PCLO: variants seen among roughly 807,000 people sequenced by gnomAD.
PCLO encodes protein piccolo.
PCLO carries 82 observed loss-of-function variants against 427.5 expected under a neutral mutation model. That is an observed-to-expected ratio of 0.19 (90% CI 0.16 to 0.23). The LOEUF is 0.23. Ranked by LOEUF, PCLO falls within the 10% of genes least tolerant of loss-of-function variation. The probability of loss-of-function intolerance (pLI) is 1.00; values close to 1 mark genes in which losing one functional copy is unlikely to be tolerated. For missense variants in PCLO, 6,239 were observed against 6,115.9 expected (o/e 1.02, Z -0.67); for synonymous variants, 2,357 against 2,155.4 (o/e 1.09, Z -2.59).
At chr7:82,759,372 T>C (rs1790384386) in intron 24 of PCLO, among the ~76,000 whole-genome samples, 1 of 151,966 alleles carries the variant, frequency 6.6e-6, no homozygotes, top group Non-Finnish European at 1.5e-5. Context: ...TTTACCCTTA[T>C]TCCTGGCGAA....
intron 21 of PCLO, among the ~76,000 whole-genome samples, chr7:82,802,273 T>G (rs1036843172): frequency 1.4e-5 from 2 of 148,088 alleles, no homozygotes; most frequent in Non-Finnish European, 3.0e-5. Context: ...AAAAAACACA[T>G]GAAAAATGCG....
At position 83,162,842 on chromosome 7, in the gene PCLO, C is replaced by G; in HGVS notation, c.-250G>C. On this transcript the variant is annotated 5_prime_UTR_variant, in exon 1 of 25. Coordinates refer to ENST00000333891, the MANE Select transcript of PCLO (RefSeq NM_033026.6). ...AGGCAACCTTTGCAGAAGACACCTC[C>G]CGGACGCCGCCTCGGCGCCCCGAGC... 1 of 529,232 alleles carries G rather than the reference C, an allele frequency of 1.9e-6. No homozygotes were observed. 32.8% of individuals were successfully genotyped at this position (529,232 alleles called of 1,614,324 possible).
rs778640049 is a variant in PCLO at position 83,135,040 on chromosome 7, C to A, written c.2510G>T (p.Ser837Ile). Residue 837 changes from serine (S) to isoleucine (I), a missense_variant, in exon 3 of 25, where the codon AGT (serine) becomes ATT (isoleucine). Coordinates refer to ENST00000333891, the MANE Select transcript of PCLO (RefSeq NM_033026.6). ...TTGTTTTTGACCTTTGCTCTCTGAA[C>A]TGGGACCAGGATGTGAAATAATTTT... Reference protein sequence around the residue: ...DSKIISHPGPSSESKGQKQVD... With the variant: ...DSKIISHPGPISESKGQKQVD... 1 of 1,613,934 alleles carries A rather than the reference C, an allele frequency of 6.2e-7. No individual in the cohort carries two copies. Among genetic ancestry groups the A allele is most frequent in the South Asian group, 1.1e-5 (1 of 91,080 alleles).
At position 82,916,495 on chromosome 7, in the gene PCLO, G is replaced by C. The variant is rs1407625066; in HGVS notation, c.11491C>G (p.Arg3831Gly). Reference protein sequence around the residue: ...RAYLQGVAEDRDYMSDSEVSS... With the variant: ...RAYLQGVAEDGDYMSDSEVSS... ...ACTTCACTGTCAGACATGTAATCACGATCCTCAGCTACTCCCTGGAGGTAG... is the reference window on the plus strand; with the variant it reads ...ACTTCACTGTCAGACATGTAATCACCATCCTCAGCTACTCCCTGGAGGTAG... The change falls in exon 7 of 25, where the codon CGT (arginine) becomes GGT (glycine). Residue 3831 changes from arginine (R) to glycine (G), a missense_variant. This residue lies in a region of PCLO where 680 missense variants were observed against 677.3 expected (regional missense o/e 1.00). Transcript: ENST00000333891. The C allele has an allele frequency of 6.2e-7, 1 of 1,613,564 alleles. No individual in the cohort carries two copies. The highest frequency in any genetic ancestry group is 1.3e-5 in the African/African-American group (1 of 74,900).
At chr7:82,870,854 C>T (rs1793217294) in intron 10 of PCLO, among the ~76,000 whole-genome samples, 1 of 152,006 alleles carries the variant, frequency 6.6e-6, no homozygotes, top group South Asian at 2.1e-4. Flanking sequence ...CTCAATATCA[C>T]TAGTCATCAG....
At chr7:83,138,487 A>C in intron 2 of PCLO, among the ~76,000 whole-genome samples, 1 of 151,948 alleles carries the variant, frequency 6.6e-6, no homozygotes, top group East Asian at 1.9e-4. Context: ...ATGGTGAAAC[A>C]TTGTCTCTAT....
At chr7:82,805,938 A>G in intron 20 of PCLO, 109 bp from the exon 21 acceptor site, 1 of 1,049,200 alleles carries the variant, frequency 9.5e-7, no homozygotes, top group South Asian at 1.6e-5. Flanking sequence ...AGAAACAGCT[A>G]CTGAAGAACT....
chr7:83,157,714 G>T (rs1792336319), intron 1 of PCLO, among the ~76,000 whole-genome samples: 1 of 151,700 alleles, frequency 6.6e-6, no homozygotes, highest in South Asian at 2.1e-4. Context: ...GCAGCTAAAA[G>T]AATATTCTGA....
At chr7:83,055,902 C>T (rs530351436) in intron 3 of PCLO, among the ~76,000 whole-genome samples, 8 of 152,158 alleles carry the variant, frequency 5.3e-5, no homozygotes, top group Non-Finnish European at 7.4e-5. Context: ...TTCAAGACAT[C>T]CAACTTCTCG....
intron 10 of PCLO, among the ~76,000 whole-genome samples, chr7:82,874,867 G>A (rs1406903005): frequency 2.6e-5 from 4 of 152,108 alleles, no homozygotes; most frequent in African/African-American, 9.7e-5. Context: ...AGACAACATT[G>A]TATACCATTG....
At chr7:83,060,234 A>T (rs1789510821) in intron 3 of PCLO, among the ~76,000 whole-genome samples, 1 of 152,090 alleles carries the variant, frequency 6.6e-6, no homozygotes, top group Non-Finnish European at 1.5e-5. Context: ...AACACTCCCA[A>T]CACACTCTCT....
chr7:82,915,907 A>G lies in PCLO; in HGVS notation c.12079T>C (p.Ser4027Pro). 1 of 1,613,418 alleles carries G rather than the reference A, an allele frequency of 6.2e-7. No individual in the cohort carries two copies. The highest frequency in any genetic ancestry group is 8.5e-7 in the Non-Finnish European group (1 of 1,179,778). ...ERSSMASSPI[S>P]SISADSFYAD... ...TAGAAAGAATCTGCAGATATGCTTG[A>G]TATTGGACTGCTTGCCATGCTACTT... The change falls in exon 7 of 25, where the codon TCA becomes CCA. Residue 4027 changes from serine (S) to proline (P), a missense_variant. Physicochemically the swap from Ser to Pro is moderately conservative, Grantham distance 74 (BLOSUM62 -1). Coordinates refer to ENST00000333891, the MANE Select transcript of PCLO (RefSeq NM_033026.6).
At chr7:83,152,022 T>C (rs1322675030) in intron 2 of PCLO, among the ~76,000 whole-genome samples, 5 of 152,004 alleles carry the variant, frequency 3.3e-5, no homozygotes, top group Non-Finnish European at 7.4e-5. Context: ...TGGAATGCAG[T>C]GGCGTGATCT....
intron 3 of PCLO, among the ~76,000 whole-genome samples, chr7:83,118,336 C>T (rs1381599811): frequency 6.6e-6 from 1 of 152,028 alleles, no homozygotes; most frequent in African/African-American, 2.4e-5. Context: ...GCAGGAACAC[C>T]AAATAGAACT....
chr7:83,122,158 C>T (rs11978655), intron 3 of PCLO, among the ~76,000 whole-genome samples: 41,822 of 151,852 alleles, frequency 0.28, 6,606 homozygotes, highest in East Asian at 0.54. Flanking sequence ...GAACACACCA[C>T]GACACAATAA....
intron 8 of PCLO, among the ~76,000 whole-genome samples, chr7:82,903,127 ATT>A (rs1175780727): frequency 1.3e-5 from 2 of 151,966 alleles, no homozygotes; most frequent in African/African-American, 2.4e-5. Flanking sequence ...TGGGAAAAGC[ATT>A]TTTAATTTTC....
chr7:82,932,377 G>A (rs762212229), intron 6 of PCLO, among the ~76,000 whole-genome samples: 7 of 152,162 alleles, frequency 4.6e-5, no homozygotes, highest in South Asian at 4.1e-4. Flanking sequence ...TCATAAAAGC[G>A]GTGGATATAG....
chr7:83,057,680 ATTC>A (rs1789436815), intron 3 of PCLO, among the ~76,000 whole-genome samples: 1 of 151,800 alleles, frequency 6.6e-6, no homozygotes, highest in Non-Finnish European at 1.5e-5. Context: ...TTTAAATAAT[ATTC>A]TTCTTATGAT....
intron 22 of PCLO, among the ~76,000 whole-genome samples, chr7:82,789,375 A>G (rs771800718): frequency 2.0e-5 from 3 of 152,202 alleles, no homozygotes; most frequent in Admixed American, 6.5e-5. Context: ...CCATATTTGA[A>G]ACAACAGGTC....
Sources: gnomAD v4.1 joint callset for allele counts (sites outside exome capture counted in the v4.1 genomes callset) on GRCh38, gnomAD v4.1.1 for gene constraint, gnomAD v4.1.1 regional missense constraint, MANE v1.5 for transcripts, NCBI Gene and HGNC (gene_info 2026-07-23, HGNC 2026-07-21) for gene names.